Variants in COBLL1 observed in about 807,000 individuals in gnomAD.
COBLL1 encodes the protein cordon-bleu protein-like 1.
Under a neutral mutation model 94.8 loss-of-function variants are expected in COBLL1, and 50 were observed. The observed-to-expected ratio is 0.53, with a 90% CI of 0.42 to 0.67. COBLL1 has a LOEUF of 0.67. Among genes scored for constraint, COBLL1 ranks in the 30% least tolerant of loss-of-function variants. The pLI is 0.00. For synonymous variants in COBLL1, 448 were observed against 473.8 expected (o/e 0.95, Z 0.71); for missense variants, 1,362 against 1,348.7 (o/e 1.01, Z -0.15).
rs911855489 is a variant in COBLL1, at chr2:164,766,383, C to T, written c.42-22508G>A. On this transcript the variant is annotated intron_variant, in intron 2 of 13. Coordinates refer to ENST00000652658, the MANE Select transcript of COBLL1 (RefSeq NM_001365672.2). Reference sequence around the variant, plus strand: ...GGAGCCAGATGGGAGGTGACTGAATCATGGGGGTGGATTTCCCCTTAGTGC... The same window carrying T: ...GGAGCCAGATGGGAGGTGACTGAATTATGGGGGTGGATTTCCCCTTAGTGC... 6.6e-5 allele frequency among the ~76,000 whole-genome samples: 10 copies of T among 152,146 alleles called. No homozygotes were observed. In the South Asian group the frequency reaches 8.3e-4, roughly 13 times the overall value.
intron 2 of COBLL1, among the ~76,000 whole-genome samples, chr2:164,825,967 G>A (rs978520315): frequency 6.6e-6 from 1 of 152,158 alleles, no homozygotes; most frequent in Non-Finnish European, 1.5e-5. Context: ...TGTAAAAAAA[G>A]TATATTCAAT....
At chr2:164,734,499 CT>C (rs922740619) in intron 3 of COBLL1, among the ~76,000 whole-genome samples, 11 of 152,174 alleles carry the variant, frequency 7.2e-5, no homozygotes, top group African/African-American at 2.4e-4. Context: ...CCAAAGAGTT[CT>C]GAGGAGTGAT....
intron 2 of COBLL1, among the ~76,000 whole-genome samples, chr2:164,832,264 A>G (rs1385809110): frequency 6.6e-6 from 1 of 152,238 alleles, no homozygotes; most frequent in Non-Finnish European, 1.5e-5. Flanking sequence ...GTAATTACAG[A>G]AGCTATGATG....
chr2:164,704,846 C>T, intron 8 of COBLL1, 106 bp downstream of exon 8: 1 of 1,185,078 alleles, frequency 8.4e-7, no homozygotes, highest in Admixed American at 2.6e-5. Flanking sequence ...ATTTAAAAAG[C>T]CTAAGTATTA....
chr2:164,699,982 T>C (rs2105442962), intron 10 of COBLL1, among the ~76,000 whole-genome samples: 1 of 152,166 alleles, frequency 6.6e-6, no homozygotes, highest in East Asian at 1.9e-4. Flanking sequence ...ATGGTTTATT[T>C]TGCTTGGTTG....
At chr2:164,803,993 A>G (rs1683959792) in intron 2 of COBLL1, among the ~76,000 whole-genome samples, 1 of 151,850 alleles carries the variant, frequency 6.6e-6, no homozygotes, top group Non-Finnish European at 1.5e-5. Flanking sequence ...AAATTCCTCT[A>G]GATACTGGTG....
intron 2 of COBLL1, among the ~76,000 whole-genome samples, chr2:164,809,057 G>C (rs17188518): frequency 0.12 from 18,243 of 152,106 alleles, 1,406 homozygotes; most frequent in Admixed American, 0.18. Flanking sequence ...GTCAATATAT[G>C]AAGTAGCTGA....
At chr2:164,751,503 A>C (rs1007479920) in intron 2 of COBLL1, among the ~76,000 whole-genome samples, 10 of 142,378 alleles carry the variant, frequency 7.0e-5, no homozygotes, top group African/African-American at 2.8e-4. Context: ...CCAGAGGTAT[A>C]AGAAGTCATT....
intron 1 of COBLL1, among the ~76,000 whole-genome samples, chr2:164,674,859 C>T (rs998325439): frequency 3.3e-5 from 5 of 152,182 alleles, no homozygotes; most frequent in Admixed American, 6.5e-5. Context: ...ACTGCTATTC[C>T]ACATGTTGGT....
In COBLL1 at chr2:164,773,276, G is replaced by A. The variant is rs141073890; in HGVS notation, c.42-29401C>T. On this transcript the variant is annotated intron_variant, in intron 2 of 13. Transcript: ENST00000652658. Reference sequence around the variant, plus strand: ...AAAAGCTAAAGCCCTAGATTAGCGTGATTATCATATTGTTTATTGAAGAAT... The same window carrying A: ...AAAAGCTAAAGCCCTAGATTAGCGTAATTATCATATTGTTTATTGAAGAAT... Among the ~76,000 whole-genome samples, 81 of 152,212 alleles carry A rather than the reference G, an allele frequency of 5.3e-4. No homozygotes were observed. The East Asian group carries it at 0.015, about 28-fold the overall frequency.
chr2:164,671,660 C>A (rs1337679714), intron 1 of COBLL1, among the ~76,000 whole-genome samples: 2 of 152,016 alleles, frequency 1.3e-5, no homozygotes, highest in Non-Finnish European at 2.9e-5. Flanking sequence ...CATATTGCTT[C>A]CAGAGCTTTA....
At chr2:164,721,910 T>C (rs781071923) in intron 7 of COBLL1, 165 bp downstream of exon 7, 4 of 486,872 alleles carry the variant, frequency 8.2e-6, no homozygotes, top group African/African-American at 2.0e-5. Context: ...GTACCAATCT[T>C]AGAATGAGCT....
chr2:164,841,379 C>A lies in COBLL1; in HGVS notation c.-50-133G>T. ...GGCCCGCCTCCCGGGTGCGCTTCCA[C>A]CTGCGGGCCCCGGCTCCCAGCCCGC... is the stretch of plus-strand genomic sequence containing the variant. On this transcript the variant is annotated intron_variant, in intron 1 of 13. Transcript: ENST00000652658. This position sits in a 1 kb window ranked among gnomAD's most constrained non-coding sequence, Gnocchi z 5.5. The A allele has an allele frequency of 8.5e-7, 1 of 1,180,626 alleles. No individual in the cohort carries two copies. The highest frequency in any genetic ancestry group is 1.0e-6 in the Non-Finnish European group (1 of 955,650). The allele number at this position is 1,180,626 out of a possible 1,614,324, so 73.1% of individuals were successfully genotyped here. A position where few individuals can be genotyped will look rare whatever the true frequency, so the allele number is the denominator to read the frequency against.
At position 164,694,393 on chromosome 2, in the gene COBLL1, C is replaced by G. The variant is rs201288773; in HGVS notation, c.2999G>C (p.Ser1000Thr). 6.2e-7 allele frequency: 1 copy of G among 1,613,978 alleles called. No individual in the cohort carries two copies. The highest frequency in any genetic ancestry group is 8.5e-7 in the Non-Finnish European group (1 of 1,179,936). The change falls in exon 12 of 14, where the codon AGT becomes ACT. Residue 1000 changes from serine to threonine, a missense_variant. Physicochemically the swap from Ser to Thr is moderately conservative, Grantham distance 58. Coordinates refer to ENST00000652658, the MANE Select transcript of COBLL1 (RefSeq NM_001365672.2). ...LAVVKRSQSF[S>T]KERTESPSAS... The stretch of plus-strand genomic sequence containing the variant: ...ACTAGGTGACTCGGTGCGCTCTTTA[C>G]TGAAAGACTGTGACCTTTTCACTAC...
At chr2:164,669,550 T>C (rs1691214374) in intron 1 of COBLL1, among the ~76,000 whole-genome samples, 1 of 152,236 alleles carries the variant, frequency 6.6e-6, no homozygotes, top group African/African-American at 2.4e-5. Context: ...CACTGCTTGC[T>C]GCCCAACCAC....
chr2:164,820,276 G>A (rs1011994284), intron 2 of COBLL1, among the ~76,000 whole-genome samples: 2 of 152,150 alleles, frequency 1.3e-5, no homozygotes, highest in Non-Finnish European at 2.9e-5. Flanking sequence ...CTAGTATGCA[G>A]TAGAAGAATA....
intron 2 of COBLL1, among the ~76,000 whole-genome samples, chr2:164,831,313 G>A (rs1007393815): frequency 7.9e-5 from 12 of 151,580 alleles, no homozygotes; most frequent in Non-Finnish European, 1.6e-4. Context: ...CAGAGTGGGA[G>A]TCTGTCTCAA....
chr2:164,829,193 T>TTATA (rs1682942840), intron 2 of COBLL1, among the ~76,000 whole-genome samples: 1 of 152,036 alleles, frequency 6.6e-6, no homozygotes, highest in Non-Finnish European at 1.5e-5. Flanking sequence ...TTTGAAGGGG[T>TTATA]TATATATAGT....
At chr2:164,790,732 G>C (rs932436346) in intron 2 of COBLL1, among the ~76,000 whole-genome samples, 4 of 152,176 alleles carry the variant, frequency 2.6e-5, no homozygotes, top group Admixed American at 6.5e-5. Flanking sequence ...ACACTTGCCT[G>C]CTACATATAA....
Sources: allele counts gnomAD v4.1 joint callset (sites outside exome capture counted in the v4.1 genomes callset), GRCh38; gene constraint gnomAD v4.1.1; non-coding constraint Gnocchi (gnomAD v3.1); transcripts MANE v1.5; gene names NCBI Gene and HGNC (gene_info 2026-07-23, HGNC 2026-07-21).